Variants in NTN4 observed in about 807,000 individuals in gnomAD.
NTN4 encodes netrin 4.
In NTN4, 32 loss-of-function variants were observed where a neutral mutation model predicts 73.6. The ratio of observed to expected loss-of-function variants is 0.44; its 90% CI spans 0.33 to 0.58. The LOEUF (loss-of-function observed/expected upper bound fraction) is 0.58. Among genes scored for constraint, NTN4 ranks in the 20% least tolerant of loss-of-function variants. The probability of loss-of-function intolerance (pLI) is 0.04; values close to 1 mark genes in which losing one functional copy is unlikely to be tolerated. For synonymous variants in NTN4, 258 were observed against 287.5 expected (o/e 0.90, Z 1.04); for missense variants, 654 against 798.3 (o/e 0.82, Z 2.18).
At chr12:95,742,354 C>A (rs1372455776) in intron 2 of NTN4, among the ~76,000 whole-genome samples, 1 of 146,914 alleles carries the variant, frequency 6.8e-6, no homozygotes, top group Non-Finnish European at 1.5e-5. Context: ...ATTAGCCAGG[C>A]ATGGTGGCGT....
intron 1 of NTN4, 130 bp from the exon 2 acceptor site, chr12:95,787,598 A>G (rs1005860988): frequency 1.2e-4 from 90 of 746,520 alleles, no homozygotes; most frequent in Non-Finnish European, 1.9e-4. Flanking sequence ...GGCAAATTCT[A>G]CCATGCTCCA....
chr12:95,662,942 C>A (rs1355045616), intron 9 of NTN4, among the ~76,000 whole-genome samples: 2 of 151,892 alleles, frequency 1.3e-5, no homozygotes, highest in East Asian at 1.9e-4. Flanking sequence ...CATAGCAAGA[C>A]CCTGTCTACA....
At chr12:95,695,087 C>G (rs1240142207) in intron 5 of NTN4, among the ~76,000 whole-genome samples, 2 of 150,950 alleles carry the variant, frequency 1.3e-5, no homozygotes, top group Non-Finnish European at 2.9e-5. Flanking sequence ...GAGATCACGC[C>G]ACTGCACGCT....
chr12:95,731,843 G>C (rs1180400430), intron 3 of NTN4, among the ~76,000 whole-genome samples: 2 of 151,956 alleles, frequency 1.3e-5, no homozygotes, highest in Admixed American at 6.6e-5. Flanking sequence ...TCTACCCTTC[G>C]TTCGTTTTGG....
intron 8 of NTN4, among the ~76,000 whole-genome samples, chr12:95,669,781 C>T (rs1174940286): frequency 7.9e-5 from 12 of 152,178 alleles, no homozygotes; most frequent in Admixed American, 1.3e-4. Context: ...GAAGTATCCA[C>T]GAGAAAGGAT....
At position 95,790,461 on chromosome 12, in the gene NTN4, G is replaced by C. The variant is rs2079200732; in HGVS notation, c.-152C>G. The C allele has an allele frequency of 3.3e-6, 2 of 611,012 alleles. No homozygotes were observed. Among genetic ancestry groups the C allele is most frequent in the South Asian group, 5.6e-5 (2 of 35,672 alleles). 37.8% of individuals were successfully genotyped at this position (611,012 alleles called of 1,614,324 possible). On this transcript the variant is annotated 5_prime_UTR_variant, in exon 1 of 10. Transcript: ENST00000343702. This position sits in a 1 kb window ranked among gnomAD's most constrained non-coding sequence, Gnocchi z 6.5. ...GCGCCGGGCTCGGTCAGCGGTCGCC[G>C]GCAGCTGGGAGCCAGGGGCCGGGAC... is the stretch of plus-strand genomic sequence containing the variant.
chr12:95,754,508 C>G (rs575376066), intron 2 of NTN4, among the ~76,000 whole-genome samples: 1 of 152,122 alleles, frequency 6.6e-6, no homozygotes, highest in African/African-American at 2.4e-5. Flanking sequence ...GTGACTTGCA[C>G]GTATACGCCC....
At chr12:95,743,882 G>A (rs1201976596) in intron 2 of NTN4, among the ~76,000 whole-genome samples, 1 of 152,058 alleles carries the variant, frequency 6.6e-6, no homozygotes, top group East Asian at 1.9e-4. Context: ...CTGTTGTTGG[G>A]TACATAAACA....
chr12:95,708,615 C>A (rs1037639038), intron 5 of NTN4, among the ~76,000 whole-genome samples: 2 of 152,048 alleles, frequency 1.3e-5, no homozygotes, highest in Non-Finnish European at 2.9e-5. Context: ...TCTTCTGTTG[C>A]CCAGGCTGGT....
intron 2 of NTN4, among the ~76,000 whole-genome samples, chr12:95,750,883 G>A (rs1406888209): frequency 3.9e-5 from 6 of 152,042 alleles, no homozygotes; most frequent in African/African-American, 7.3e-5. Context: ...GTTTCCTTCC[G>A]TGACTAGCCC....
Position 95,658,095 on chromosome 12 carries a change from A to G in NTN4, c.*991T>C, listed in dbSNP as rs2078105674. 6.6e-6 allele frequency: 1 copy of G among 152,402 alleles called. No homozygotes were observed. The highest frequency in any genetic ancestry group is 2.4e-5 in the African/African-American group (1 of 41,460). 9.4% of individuals were successfully genotyped at this position (152,402 alleles called of 1,614,324 possible). ...ATATAATGACTATTACTGTTAAGAAAGACAAGGAGGAAAACTGTTTCAATG... is the reference window on the plus strand; with the variant it reads ...ATATAATGACTATTACTGTTAAGAAGGACAAGGAGGAAAACTGTTTCAATG... On this transcript the variant is annotated 3_prime_UTR_variant, in exon 10 of 10. Coordinates refer to ENST00000343702, the MANE Select transcript of NTN4 (RefSeq NM_021229.4).
chr12:95,752,630 G>A (rs1322439715), intron 2 of NTN4, among the ~76,000 whole-genome samples: 1 of 152,016 alleles, frequency 6.6e-6, no homozygotes, highest in Non-Finnish European at 1.5e-5. Context: ...TGCTCTCCCT[G>A]CCAATCGTGT....
At chr12:95,736,891 C>G (rs994114941) in intron 3 of NTN4, among the ~76,000 whole-genome samples, 1 of 152,160 alleles carries the variant, frequency 6.6e-6, no homozygotes. Flanking sequence ...GGTGGCCTAT[C>G]GTATACTAGG....
intron 5 of NTN4, among the ~76,000 whole-genome samples, chr12:95,689,373 T>C (rs1187603387): frequency 1.3e-5 from 2 of 152,248 alleles, no homozygotes; most frequent in Non-Finnish European, 2.9e-5. Context: ...TTCTCTTGCA[T>C]ATAGCCCTTG....
chr12:95,741,427 TTATATATA>T (rs1174318245), intron 2 of NTN4, among the ~76,000 whole-genome samples: 8,495 of 50,990 alleles, frequency 0.17, 991 homozygotes, highest in Non-Finnish European at 0.2. Context: ...TATGTATAAA[TTATATATA>T]TATATATATA....
chr12:95,753,733 G>A (rs927606740), intron 2 of NTN4, among the ~76,000 whole-genome samples: 1 of 151,592 alleles, frequency 6.6e-6, no homozygotes, highest in African/African-American at 2.4e-5. Flanking sequence ...AAAAGGACTG[G>A]ACAATACTTT....
rs1401376008 is a variant in NTN4 at position 95,787,419 on chromosome 12, G to GT, written c.104dup (p.Asn35LysfsTer32). 2 of 1,614,190 alleles carry GT rather than the reference G, an allele frequency of 1.2e-6. No homozygotes were observed. Among genetic ancestry groups the GT allele is most frequent in the Non-Finnish European group, 1.7e-6 (2 of 1,180,036 alleles). On this transcript the variant is annotated frameshift_variant, in exon 2 of 10. Coordinates refer to ENST00000343702, the MANE Select transcript of NTN4 (RefSeq NM_021229.4). LOFTEE classifies it high-confidence loss of function. ...CCAAAGCCAAATTTCCCATCCGAGG[G>GT]TTGCAGGCTTTTTCACAGCGGGAAC... is the stretch of plus-strand genomic sequence containing the variant.
chr12:95,785,438 G>C (rs958606235), intron 2 of NTN4, among the ~76,000 whole-genome samples: 1 of 152,202 alleles, frequency 6.6e-6, no homozygotes, highest in African/African-American at 2.4e-5. Context: ...GTTGCAAATG[G>C]GCTTACAATA....
At chr12:95,775,064 T>G (rs1254219955) in intron 2 of NTN4, among the ~76,000 whole-genome samples, 3 of 152,236 alleles carry the variant, frequency 2.0e-5, no homozygotes, top group African/African-American at 7.2e-5. Flanking sequence ...TTCTTTTCCA[T>G]TAACAACATT....
Sources: gnomAD v4.1 joint callset for allele counts (sites outside exome capture counted in the v4.1 genomes callset) on GRCh38, gnomAD v4.1.1 for gene constraint, Gnocchi (gnomAD v3.1) non-coding constraint, MANE v1.5 for transcripts, NCBI Gene and HGNC (gene_info 2026-07-23, HGNC 2026-07-21) for gene names.